The following SPCS2 variants were observed in gnomAD, a reference collection of about 807,000 sequenced individuals.
SPCS2 encodes signal peptidase complex subunit 2, also known as SPase 25 kDa subunit.
SPCS2 carries 3 observed loss-of-function variants against 22.3 expected under a neutral mutation model. The ratio of observed to expected loss-of-function variants is 0.13; its 90% CI spans 0.06 to 0.35. SPCS2 has a LOEUF of 0.35. Among genes scored for constraint, SPCS2 ranks in the 10% least tolerant of loss-of-function variants. The probability of loss-of-function intolerance (pLI) is 1.00; values close to 1 mark genes in which losing one functional copy is unlikely to be tolerated. For synonymous variants in SPCS2, 67 were observed against 97.2 expected (o/e 0.69, Z 1.83); for missense variants, 169 against 280.9 (o/e 0.60, Z 2.85).
At position 74,978,768 on chromosome 11, in the gene SPCS2, C is replaced by T. The variant is rs1378931377; in HGVS notation, c.*1725C>T. Reference sequence around the variant, plus strand: ...GGTTAAATCTGTAGATATAGAGGGCCAACTGTACTGTTAGACACAAGGGTC... The same window carrying T: ...GGTTAAATCTGTAGATATAGAGGGCTAACTGTACTGTTAGACACAAGGGTC... On this transcript the variant is annotated 3_prime_UTR_variant, in exon 5 of 5. Transcript: ENST00000263672. 1 of 151,860 alleles carries T rather than the reference C, an allele frequency of 6.6e-6. No individual in the cohort carries two copies. The highest frequency in any genetic ancestry group is 2.4e-5 in the African/African-American group (1 of 41,326). The allele number at this position is 151,860 out of a possible 1,614,324, so 9.4% of individuals were successfully genotyped here.
chr11:74,968,119 A>G, intron 3 of SPCS2: 1 of 152,168 alleles, frequency 6.6e-6, no homozygotes. Context: ...TCTCTACTCT[A>G]AAGTCCATAT....
intron 3 of SPCS2, 118 bp downstream of exon 3, chr11:74,966,041 C>G: frequency 1.1e-6 from 1 of 905,404 alleles, no homozygotes; most frequent in Non-Finnish European, 1.7e-6. Flanking sequence ...TGTTAGAATT[C>G]AACATTTTGA....
At chr11:74,967,896 T>C (rs1002361850) in intron 3 of SPCS2, among the ~76,000 whole-genome samples, 21 of 152,158 alleles carry the variant, frequency 1.4e-4, no homozygotes, top group African/African-American at 4.1e-4. Flanking sequence ...ATCATGCCAC[T>C]GTACTCTAGC....
chr11:74,950,862 T>C (rs576487781), intron 1 of SPCS2, among the ~76,000 whole-genome samples: 1 of 152,254 alleles, frequency 6.6e-6, no homozygotes, highest in East Asian at 1.9e-4. Flanking sequence ...ACTCAAACCT[T>C]AAGATACAGA....
chr11:74,973,772 G>T lies in SPCS2; in HGVS notation c.495-3085G>T, dbSNP rs1000936669. Among the ~76,000 whole-genome samples, 3 of 151,894 alleles carry T rather than the reference G, an allele frequency of 2.0e-5. No homozygotes were observed. In the South Asian group the frequency reaches 6.2e-4, roughly 32 times the overall value. ...CCATCTTTACTCTCGGTTTTTTGTTGTTGGGAAGATAGAAGCCATCATAAG... is the reference window on the plus strand; with the variant it reads ...CCATCTTTACTCTCGGTTTTTTGTTTTTGGGAAGATAGAAGCCATCATAAG... On this transcript the variant is annotated intron_variant, in intron 4 of 4. Coordinates refer to ENST00000263672, the MANE Select transcript of SPCS2 (RefSeq NM_014752.3).
At position 74,963,567 on chromosome 11, in the gene SPCS2, G is replaced by A. The variant is rs7925036; in HGVS notation, c.115-1467G>A. Reference sequence around the variant, plus strand: ...TTATTGTTTGTTTGTTTGTTTGTTTGTTTATTTATTTATTTATTTATTTTC... The same window carrying A: ...TTATTGTTTGTTTGTTTGTTTGTTTATTTATTTATTTATTTATTTATTTTC... On this transcript the variant is annotated intron_variant, in intron 1 of 4. Transcript: ENST00000263672. The A allele has an allele frequency of 5.4e-3, 2,203 of 410,500 alleles. 33 individuals carry two copies. Among genetic ancestry groups the A allele is most frequent in the African/African-American group, 0.045 (2,058 of 45,788 alleles). 25.4% of individuals were successfully genotyped at this position (410,500 alleles called of 1,614,324 possible).
Position 74,949,323 on chromosome 11 carries a change from G to A in SPCS2, c.38G>A (p.Gly13Asp). 1 of 1,550,604 alleles carries A rather than the reference G, an allele frequency of 6.4e-7. No homozygotes were observed. The highest frequency in any genetic ancestry group is 8.7e-7 in the Non-Finnish European group (1 of 1,146,682). The change falls in exon 1 of 5, where the codon GGT becomes GAT. Residue 13 changes from glycine (G) to aspartate (D), a missense_variant. Physicochemically the swap from Gly to Asp is moderately conservative, Grantham distance 94. This residue lies in a region of SPCS2 where 51 missense variants were observed against 37.8 expected (regional missense o/e 1.35). Transcript: ENST00000263672. ...AAAVQGGRSG[G>D]SGGCSGAGGA... is the part of the protein sequence containing the mutation. ...GCTGTACAGGGCGGGAGAAGCGGTGGTAGCGGAGGCTGTAGTGGGGCTGGT... is the reference window on the plus strand; with the variant it reads ...GCTGTACAGGGCGGGAGAAGCGGTGATAGCGGAGGCTGTAGTGGGGCTGGT...
At chr11:74,953,856 A>T (rs116082839) in intron 1 of SPCS2, among the ~76,000 whole-genome samples, 1,939 of 152,322 alleles carry the variant, frequency 0.013, 49 homozygotes, top group African/African-American at 0.044. Context: ...ATTAAAGTTG[A>T]TATGTGGTGT....
chr11:74,975,445 A>G (rs1948609394), intron 4 of SPCS2, among the ~76,000 whole-genome samples: 1 of 152,166 alleles, frequency 6.6e-6, no homozygotes, highest in South Asian at 2.1e-4. Flanking sequence ...GTATATCCTT[A>G]CCATCTAAAA....
Position 74,965,727 on chromosome 11 carries a change from A to T in SPCS2, c.199-36A>T, listed in dbSNP as rs548226933. 109 of 1,555,852 alleles carry T rather than the reference A, an allele frequency of 7.0e-5. 1 individual carries two copies. Among genetic ancestry groups the T allele is most frequent in the Non-Finnish European group, 9.4e-5 (106 of 1,130,776 alleles). On this transcript the variant is annotated intron_variant, in intron 2 of 4. Transcript: ENST00000263672. The stretch of plus-strand genomic sequence containing the variant: ...TAAAAGCACATACTGGGGAGGAAGT[A>T]TTCCTATTAGCTTGATTCCTTGTTT...
intron 3 of SPCS2, 56 bp from the exon 4 acceptor site, chr11:74,969,509 A>G: frequency 1.3e-6 from 2 of 1,543,654 alleles, no homozygotes; most frequent in Non-Finnish European, 1.8e-6. Context: ...GTTGCTTGTC[A>G]ATTTGTGTTA....
chr11:74,965,399 A>T (rs1185035368), intron 2 of SPCS2, among the ~76,000 whole-genome samples: 1 of 152,090 alleles, frequency 6.6e-6, no homozygotes, highest in Non-Finnish European at 1.5e-5. Flanking sequence ...AGAAATATAG[A>T]TGTTGGCTAT....
chr11:74,960,229 G>A (rs1048748190), intron 1 of SPCS2, among the ~76,000 whole-genome samples: 5 of 152,208 alleles, frequency 3.3e-5, no homozygotes, highest in African/African-American at 9.7e-5. Context: ...CTACTCGGGA[G>A]GCTGAGGCAT....
chr11:74,964,935 T>C, intron 1 of SPCS2, 99 bp from the exon 2 acceptor site: 3 of 741,658 alleles, frequency 4.0e-6, no homozygotes, highest in Non-Finnish European at 6.5e-6. Context: ...AAAGAGTAAA[T>C]ATTATATGTG....
chr11:74,960,798 A>G (rs1677911665), intron 1 of SPCS2, among the ~76,000 whole-genome samples: 1 of 152,172 alleles, frequency 6.6e-6, no homozygotes, highest in East Asian at 1.9e-4. Flanking sequence ...GTTATTGTGG[A>G]AATTAAGTGA....
At chr11:74,960,019 C>A (rs1026839796) in intron 1 of SPCS2, among the ~76,000 whole-genome samples, 11 of 152,198 alleles carry the variant, frequency 7.2e-5, no homozygotes, top group African/African-American at 2.7e-4. Flanking sequence ...GGTTAGCCAG[C>A]CAGCTCTGGC....
chr11:74,952,555 G>A lies in SPCS2; in HGVS notation c.114+3156G>A, dbSNP rs572188876. The stretch of plus-strand genomic sequence containing the variant: ...TAATCGTGAACTCCTGGCCTCAAGT[G>A]ATCTGCCCACCTCAGCCTCCCAAAG... On this transcript the variant is annotated intron_variant, in intron 1 of 4. Transcript: ENST00000263672. Among the ~76,000 whole-genome samples, 5 of 152,190 alleles carry A rather than the reference G, an allele frequency of 3.3e-5. No individual in the cohort carries two copies. The East Asian group carries it at 9.6e-4, about 29-fold the overall frequency.
At chr11:74,972,118 G>A (rs563116963) in intron 4 of SPCS2, among the ~76,000 whole-genome samples, 5 of 151,950 alleles carry the variant, frequency 3.3e-5, no homozygotes, top group Non-Finnish European at 5.9e-5. Context: ...CCAGGCTGGA[G>A]CGCAATGACG....
intron 1 of SPCS2, among the ~76,000 whole-genome samples, chr11:74,952,908 A>G (rs934981250): frequency 2.0e-5 from 3 of 152,026 alleles, no homozygotes; most frequent in African/African-American, 7.3e-5. Flanking sequence ...TTAAGCTGTC[A>G]CTTAATATGA....
Sources: gnomAD v4.1 joint callset for allele counts (sites outside exome capture counted in the v4.1 genomes callset) on GRCh38, gnomAD v4.1.1 for gene constraint, gnomAD v4.1.1 regional missense constraint, MANE v1.5 for transcripts, NCBI Gene and HGNC (gene_info 2026-07-23, HGNC 2026-07-21) for gene names.